The following ERBB4 variants were observed in gnomAD, a reference collection of about 807,000 sequenced individuals.
The protein encoded by ERBB4 is receptor tyrosine-protein kinase erbB-4.
ERBB4 carries 42 observed loss-of-function variants against 158.0 expected under a neutral mutation model. That is an observed-to-expected ratio of 0.27 (90% CI 0.21 to 0.34). ERBB4 has a LOEUF of 0.34. Ranked by LOEUF, ERBB4 falls within the 10% of genes least tolerant of loss-of-function variation. The pLI is 1.00. For synonymous variants in ERBB4, 583 were observed against 558.7 expected, an observed-to-expected ratio of 1.04 and a Z score of -0.61; for missense variants, 1,333 against 1,624.1, an observed-to-expected ratio of 0.82 and a Z score of 3.08.
At chr2:212,236,097 G>T (rs908802838) in intron 1 of ERBB4, among the ~76,000 whole-genome samples, 1 of 152,182 alleles carries the variant, frequency 6.6e-6, no homozygotes, top group Non-Finnish European at 1.5e-5. Flanking sequence ...GATAGTGGCT[G>T]TGGGTTTGTC....
intron 5 of ERBB4, among the ~76,000 whole-genome samples, chr2:211,741,112 T>TG (rs2074781252): frequency 6.6e-6 from 1 of 152,180 alleles, no homozygotes; most frequent in Admixed American, 6.5e-5. Flanking sequence ...ATAGTATGGC[T>TG]GTCCTATTCA....
At chr2:212,192,047 T>TATGTTATAAGTTATATGTTATAA (rs1559707798) in intron 1 of ERBB4, among the ~76,000 whole-genome samples, 123 of 87,458 alleles carry the variant, frequency 1.4e-3, no homozygotes, top group Non-Finnish European at 2.9e-3. Context: ...GTTATATATA[T>TATGTTATAAGTTATATGTTATAA]GTTATATGTT....
At chr2:212,358,365 T>TA (rs1261073300) in intron 1 of ERBB4, among the ~76,000 whole-genome samples, 5 of 151,212 alleles carry the variant, frequency 3.3e-5, no homozygotes, top group Non-Finnish European at 5.9e-5. Flanking sequence ...AGCACTTTTT[T>TA]TAAAAAAAAA....
intron 2 of ERBB4, among the ~76,000 whole-genome samples, chr2:211,958,517 T>C (rs145548350): frequency 1.3e-5 from 2 of 152,092 alleles, no homozygotes; most frequent in Non-Finnish European, 2.9e-5. Context: ...CACCTACTGG[T>C]GAAATCACTC....
intron 2 of ERBB4, among the ~76,000 whole-genome samples, chr2:211,962,554 T>C (rs16847346): frequency 0.072 from 10,959 of 152,254 alleles, 733 homozygotes; most frequent in East Asian, 0.28. Flanking sequence ...TGGCACTGTA[T>C]ACAGAGAATT....
intron 3 of ERBB4, among the ~76,000 whole-genome samples, chr2:211,908,659 T>C (rs2079461415): frequency 1.3e-5 from 2 of 151,862 alleles, no homozygotes; most frequent in Admixed American, 6.6e-5. Flanking sequence ...ATTATTCTTA[T>C]TTGACATTAC....
At chr2:212,533,218 GT>G (rs1335977446) in intron 1 of ERBB4, among the ~76,000 whole-genome samples, 1 of 152,172 alleles carries the variant, frequency 6.6e-6, no homozygotes, top group Non-Finnish European at 1.5e-5. Flanking sequence ...TTGCTAGAAA[GT>G]TTACATTATG....
intron 20 of ERBB4, among the ~76,000 whole-genome samples, chr2:211,474,328 T>G (rs899168322): frequency 6.6e-6 from 1 of 152,046 alleles, no homozygotes; most frequent in African/African-American, 2.4e-5. Context: ...AAACCTATTA[T>G]TATCTATATT....
At chr2:212,047,475 ATTTAT>A (rs1238878362) in intron 2 of ERBB4, among the ~76,000 whole-genome samples, 1 of 151,470 alleles carries the variant, frequency 6.6e-6, no homozygotes, top group East Asian at 1.9e-4. Flanking sequence ...TTATTTATTT[ATTTAT>A]TTATTTATTT....
At chr2:211,638,778 A>G (rs1025508472) in intron 16 of ERBB4, among the ~76,000 whole-genome samples, 3 of 152,144 alleles carry the variant, frequency 2.0e-5, no homozygotes, top group African/African-American at 4.8e-5. Flanking sequence ...ATATAATCTG[A>G]TCCTTTTATA....
rs77492265 is a variant in ERBB4 at position 212,487,949 on chromosome 2, T to A, written c.82+50500A>T. On this transcript the variant is annotated intron_variant, in intron 1 of 27. Coordinates refer to ENST00000342788, the MANE Select transcript of ERBB4 (RefSeq NM_005235.3). ...CTTTGTGTCTCTAATTAGTGGCTTC[T>A]ATATTTTTCACTTTGCTCAATAACA... Among the ~76,000 whole-genome samples, 984 of 152,262 alleles carry A rather than the reference T, an allele frequency of 6.5e-3. 7 individuals are homozygous for A. Among genetic ancestry groups the A allele is most frequent in the African/African-American group, 0.023 (942 of 41,568 alleles).
intron 1 of ERBB4, among the ~76,000 whole-genome samples, chr2:212,373,310 C>T (rs2106389246): frequency 6.6e-6 from 1 of 152,190 alleles, no homozygotes; most frequent in African/African-American, 2.4e-5. Context: ...AATTCAGTTG[C>T]AACTGATTTG....
chr2:212,256,770 T>C lies in ERBB4; in HGVS notation c.83-131867A>G, dbSNP rs1029215576. The stretch of plus-strand genomic sequence containing the variant: ...TGATTTTAAAACCTACACATTTTTC[T>C]CAACTGGGTAAAATGAGTGAACTAA... On this transcript the variant is annotated intron_variant, in intron 1 of 27. Coordinates refer to ENST00000342788, the MANE Select transcript of ERBB4 (RefSeq NM_005235.3). Among the ~76,000 whole-genome samples, 5 of 152,156 alleles carry C rather than the reference T, an allele frequency of 3.3e-5. 1 individual carries two copies. Among genetic ancestry groups the C allele is most frequent in the Admixed American group, 1.3e-4 (2 of 15,264 alleles).
At chr2:211,693,813 T>C (rs1031614483) in intron 12 of ERBB4, among the ~76,000 whole-genome samples, 2 of 152,184 alleles carry the variant, frequency 1.3e-5, no homozygotes, top group Non-Finnish European at 2.9e-5. Flanking sequence ...AATCCAGGTG[T>C]TCGCAGGCTA....
At chr2:211,778,192 C>T (rs2075935719) in intron 4 of ERBB4, 1 of 152,202 alleles carries the variant, frequency 6.6e-6, no homozygotes, top group South Asian at 2.1e-4. Context: ...TGAACAGTGG[C>T]CTTGACCTCT....
chr2:211,931,945 T>C (rs544677505), intron 3 of ERBB4, among the ~76,000 whole-genome samples: 2 of 152,220 alleles, frequency 1.3e-5, no homozygotes, highest in South Asian at 2.1e-4. Context: ...CATACATTGT[T>C]TGCATTTCAT....
At chr2:211,531,066 C>T (rs2371314) in intron 20 of ERBB4, among the ~76,000 whole-genome samples, 50,832 of 151,750 alleles carry the variant, frequency 0.33, 9,667 homozygotes, top group East Asian at 0.62. Context: ...TTTGGGAAAA[C>T]GACAGTCCCT....
At position 211,415,179 on chromosome 2, in the gene ERBB4, C is replaced by T. The variant is rs373807644; in HGVS notation, c.3135+5262G>A. ...TCGCCCAGGCTGGAGTGCAGTGGCG[C>T]GACCTCGGCTCACTGCAAGCTCCGC... On this transcript the variant is annotated intron_variant, in intron 25 of 27. Coordinates refer to ENST00000342788, the MANE Select transcript of ERBB4 (RefSeq NM_005235.3). Among the ~76,000 whole-genome samples, 26 of 130,424 alleles carry T rather than the reference C, an allele frequency of 2.0e-4. No homozygotes were observed. The South Asian group carries it at 3.5e-3, about 17-fold the overall frequency. The allele number at this position is 130,424 out of a possible 152,430, so 85.6% of individuals were successfully genotyped here.
At chr2:212,472,135 C>T (rs1393167334) in intron 1 of ERBB4, among the ~76,000 whole-genome samples, 1 of 151,992 alleles carries the variant, frequency 6.6e-6, no homozygotes, top group East Asian at 1.9e-4. Flanking sequence ...AGTGTTCATG[C>T]TTCTCAATTG....
Sources: gnomAD v4.1 joint callset for allele counts (sites outside exome capture counted in the v4.1 genomes callset) on GRCh38, gnomAD v4.1.1 for gene constraint, MANE v1.5 for transcripts, NCBI Gene and HGNC (gene_info 2026-07-23, HGNC 2026-07-21) for gene names.